Variants in WDR72 observed in about 807,000 individuals in gnomAD.
The protein encoded by WDR72 is WD repeat-containing protein 72.
WDR72 carries 120 observed loss-of-function variants against 124.2 expected under a neutral mutation model. That is an observed-to-expected ratio of 0.97 (90% confidence interval 0.83 to 1.12). The LOEUF (loss-of-function observed/expected upper bound fraction) is 1.12, where lower values mean the gene tolerates loss of function less well. WDR72 is among the 50% of genes most tolerant of loss of function. The pLI is 0.00. For missense variants in WDR72, 1,387 were observed against 1,278.8 expected, an observed-to-expected ratio of 1.08 and a Z score of -1.29; for synonymous variants, 452 against 441.7, an observed-to-expected ratio of 1.02 and a Z score of -0.29.
At chr15:53,738,517 T>C (rs1343370748) in intron 1 of WDR72, among the ~76,000 whole-genome samples, 3 of 152,200 alleles carry the variant, frequency 2.0e-5, no homozygotes, top group African/African-American at 7.2e-5. Flanking sequence ...ATTAACTTAA[T>C]GCTAAAAATT....
At chr15:53,605,401 T>G (rs1566979811) in intron 17 of WDR72, among the ~76,000 whole-genome samples, 2 of 152,210 alleles carry the variant, frequency 1.3e-5, no homozygotes, top group East Asian at 3.8e-4. Context: ...CTAGGCTTAA[T>G]GCCTGAGTGA....
intron 18 of WDR72, among the ~76,000 whole-genome samples, chr15:53,527,870 C>T (rs568231317): frequency 2.1e-3 from 326 of 152,118 alleles, no homozygotes; most frequent in Non-Finnish European, 4.0e-3. Flanking sequence ...TTCAAAGTTA[C>T]TAGCTCAATA....
intron 18 of WDR72, among the ~76,000 whole-genome samples, chr15:53,551,863 C>T (rs966626772): frequency 2.0e-5 from 3 of 152,078 alleles, no homozygotes; most frequent in Non-Finnish European, 2.9e-5. Context: ...CAGACACACA[C>T]ACACACACAC....
chr15:53,645,605 T>C (rs1567001794), intron 14 of WDR72, among the ~76,000 whole-genome samples: 1 of 152,160 alleles, frequency 6.6e-6, no homozygotes, highest in African/African-American at 2.4e-5. Flanking sequence ...AAGAAAGATA[T>C]GCTAAACACA....
chr15:53,607,399 A>G (rs7183565), intron 17 of WDR72, among the ~76,000 whole-genome samples: 44,097 of 152,122 alleles, frequency 0.29, 7,699 homozygotes, highest in Middle Eastern at 0.55. Flanking sequence ...ATTTTCGACA[A>G]AAGTGCCAAG....
At chr15:53,753,906 C>G (rs115712315) in intron 1 of WDR72, among the ~76,000 whole-genome samples, 1 of 152,106 alleles carries the variant, frequency 6.6e-6, no homozygotes, top group African/African-American at 2.4e-5. Flanking sequence ...CCCCTGGCTA[C>G]GACTACATCC....
At chr15:53,545,121 A>C (rs752147430) in intron 18 of WDR72, among the ~76,000 whole-genome samples, 28,135 of 147,980 alleles carry the variant, frequency 0.19, 2,838 homozygotes, top group Middle Eastern at 0.23. Flanking sequence ...CCATCCCCAT[A>C]AAGCTACCAA....
At position 53,749,265 on chromosome 15, in the gene WDR72, C is replaced by T. The variant is rs537861240; in HGVS notation, c.-13+10368G>A. On this transcript the variant is annotated intron_variant, in intron 1 of 19. Transcript: ENST00000360509. ...ACAGTATGTGCTCACTTCATGTCTCCGTATCACATTTTGGTAATTCTCATA... is the reference window on the plus strand; with the variant it reads ...ACAGTATGTGCTCACTTCATGTCTCTGTATCACATTTTGGTAATTCTCATA... Among the ~76,000 whole-genome samples, 20 of 152,188 alleles carry T rather than the reference C, an allele frequency of 1.3e-4. No individual in the cohort carries two copies. The East Asian group carries it at 1.5e-3, about 12-fold the overall frequency.
chr15:53,555,051 C>T (rs542982279), intron 18 of WDR72, among the ~76,000 whole-genome samples: 1 of 152,112 alleles, frequency 6.6e-6, no homozygotes, highest in South Asian at 2.1e-4. Flanking sequence ...TATAGAGGGG[C>T]TATTGGTATC....
intron 12 of WDR72, 55 bp from the exon 13 acceptor site, chr15:53,700,000 G>A (rs961788258): frequency 5.0e-5 from 80 of 1,605,970 alleles, no homozygotes; most frequent in Non-Finnish European, 6.7e-5. Flanking sequence ...TTCTTTATGA[G>A]TAAGTCAGAT....
At chr15:53,627,834 C>A (rs1231066609) in intron 14 of WDR72, among the ~76,000 whole-genome samples, 1 of 152,026 alleles carries the variant, frequency 6.6e-6, no homozygotes, top group Non-Finnish European at 1.5e-5. Flanking sequence ...CTATGTTTTT[C>A]TCAATATAAA....
In WDR72 at chr15:53,586,200, A is replaced by G. The variant is rs185980984; in HGVS notation, c.3148+10879T>C. On this transcript the variant is annotated intron_variant, in intron 18 of 19. Transcript: ENST00000360509. The stretch of plus-strand genomic sequence containing the variant: ...TGGCTGGACTTACCAGCTGGACAAC[A>G]GACCAGACTGGTTATTGCCTATTCT... Among the ~76,000 whole-genome samples, 5 of 152,170 alleles carry G rather than the reference A, an allele frequency of 3.3e-5. No homozygotes were observed. The East Asian group carries it at 9.7e-4, about 30-fold the overall frequency.
At chr15:53,691,063 T>C (rs946715469) in intron 13 of WDR72, among the ~76,000 whole-genome samples, 5 of 152,146 alleles carry the variant, frequency 3.3e-5, no homozygotes, top group Non-Finnish European at 5.9e-5. Context: ...ATGATGTTGA[T>C]AACCTTTATA....
At chr15:53,716,160 C>A (rs910647297) in intron 4 of WDR72, among the ~76,000 whole-genome samples, 4 of 151,986 alleles carry the variant, frequency 2.6e-5, no homozygotes, top group Admixed American at 6.6e-5. Flanking sequence ...CCAAGATTTG[C>A]TTTAAAGATT....
At chr15:53,568,755 A>C (rs1001821879) in intron 18 of WDR72, among the ~76,000 whole-genome samples, 5 of 152,048 alleles carry the variant, frequency 3.3e-5, no homozygotes, top group African/African-American at 1.2e-4. Context: ...AGACCATTTC[A>C]TTCAACTATA....
At chr15:53,563,128 CA>C in intron 18 of WDR72, among the ~76,000 whole-genome samples, 1 of 151,688 alleles carries the variant, frequency 6.6e-6, no homozygotes, top group East Asian at 1.9e-4. Flanking sequence ...TTCCACGTAA[CA>C]AAATAGTAGC....
At chr15:53,596,633 T>A (rs369531813) in intron 18 of WDR72, among the ~76,000 whole-genome samples, 1 of 152,204 alleles carries the variant, frequency 6.6e-6, no homozygotes, top group Non-Finnish European at 1.5e-5. Context: ...CTTTCAGTTT[T>A]AATTGCTTAA....
At chr15:53,543,835 A>G (rs1288227044) in intron 18 of WDR72, among the ~76,000 whole-genome samples, 1 of 152,230 alleles carries the variant, frequency 6.6e-6, no homozygotes, top group African/African-American at 2.4e-5. Flanking sequence ...CCACAGAAAT[A>G]CAAACTACCA....
intron 13 of WDR72, among the ~76,000 whole-genome samples, chr15:53,667,521 C>A (rs1386577553): frequency 1.3e-5 from 2 of 152,120 alleles, no homozygotes; most frequent in African/African-American, 4.8e-5. Flanking sequence ...ACAGCAACAT[C>A]AAGAAAACCC....
Sources: allele counts gnomAD v4.1 joint callset (sites outside exome capture counted in the v4.1 genomes callset), GRCh38; gene constraint gnomAD v4.1.1; transcripts MANE v1.5; gene names NCBI Gene and HGNC (gene_info 2026-07-23, HGNC 2026-07-21).